The following PTPRN2 variants were observed in gnomAD, a reference collection of about 807,000 sequenced individuals.
PTPRN2 encodes receptor-type tyrosine-protein phosphatase N2.
In PTPRN2, 74 loss-of-function variants were observed where a neutral mutation model predicts 118.8. The observed-to-expected ratio is 0.62, with a 90% confidence interval of 0.52 to 0.76. The LOEUF (loss-of-function observed/expected upper bound fraction) is 0.76, where lower values mean the gene tolerates loss of function less well. PTPRN2 is among the 30% of genes least tolerant of loss of function. The pLI is 0.00. For missense variants in PTPRN2, 1,481 were observed against 1,394.4 expected, an observed-to-expected ratio of 1.06 and a Z score of -0.99; for synonymous variants, 641 against 608.0, an observed-to-expected ratio of 1.05 and a Z score of -0.80.
In PTPRN2 at chr7:157,794,540, A is replaced by G. The variant is rs1804745831; in HGVS notation, c.1788+104133T>C. On this transcript the variant is annotated intron_variant, in intron 12 of 22. Coordinates refer to ENST00000389418, the MANE Select transcript of PTPRN2 (RefSeq NM_002847.5). This position sits in a 1 kb window ranked among gnomAD's most constrained non-coding sequence, Gnocchi z 5.2. ...GAGTCAAAGGAGGCAATTATACAAT[A>G]GGACTATCACCCTCACTGTCACTCT... is the stretch of plus-strand genomic sequence containing the variant. 6.6e-6 allele frequency among the ~76,000 whole-genome samples: 1 copy of G among 152,254 alleles called. No homozygotes were observed. The highest frequency in any genetic ancestry group is 2.4e-5 in the African/African-American group (1 of 41,476).
chr7:158,031,919 C>CG (rs953329289), intron 11 of PTPRN2, among the ~76,000 whole-genome samples: 1 of 152,228 alleles, frequency 6.6e-6, no homozygotes, highest in African/African-American at 2.4e-5. Flanking sequence ...GCCGGCGCTC[C>CG]GGGGGCCCGC....
At chr7:158,566,469 G>A (rs973794602) in intron 1 of PTPRN2, among the ~76,000 whole-genome samples, 3 of 152,216 alleles carry the variant, frequency 2.0e-5, no homozygotes, top group Non-Finnish European at 4.4e-5. Context: ...CCCCATAGCG[G>A]GCACTTGGCA....
Position 158,546,822 on chromosome 7 carries a change from C to T in PTPRN2, c.112+40736G>A, listed in dbSNP as rs999133936. Among the ~76,000 whole-genome samples the T allele has an allele frequency of 3.3e-5, 5 of 152,238 alleles. No individual in the cohort carries two copies. Among genetic ancestry groups the T allele is most frequent in the African/African-American group, 1.2e-4 (5 of 41,474 alleles). ...ATGCACCAACATGCAGATGCACACA[C>T]AGGGCATGGGCACTCCAGAGGGGCT... On this transcript the variant is annotated intron_variant, in intron 1 of 22. Transcript: ENST00000389418. This position sits in a 1 kb window ranked among gnomAD's most constrained non-coding sequence, Gnocchi z 5.0.
intron 12 of PTPRN2, among the ~76,000 whole-genome samples, chr7:157,757,342 C>G (rs1801848154): frequency 6.6e-6 from 1 of 152,164 alleles, no homozygotes; most frequent in African/African-American, 2.4e-5. Context: ...GACACAGAAG[C>G]CAGGCCTGGA....
chr7:158,541,121 C>A (rs1234288708), intron 1 of PTPRN2, among the ~76,000 whole-genome samples: 2 of 152,202 alleles, frequency 1.3e-5, no homozygotes, highest in East Asian at 3.9e-4. Flanking sequence ...CTATTTGCCA[C>A]AAATCATCTA....
intron 1 of PTPRN2, among the ~76,000 whole-genome samples, chr7:158,521,376 C>T (rs1823985274): frequency 6.6e-6 from 1 of 152,204 alleles, no homozygotes; most frequent in Non-Finnish European, 1.5e-5. Flanking sequence ...GGCTTCCCAA[C>T]AGGGTGAATT....
intron 5 of PTPRN2, among the ~76,000 whole-genome samples, chr7:158,170,968 T>A (rs946126474): frequency 6.7e-6 from 1 of 150,012 alleles, no homozygotes; most frequent in Non-Finnish European, 1.5e-5. Context: ...TTATCCTTCA[T>A]ATATATACAT....
chr7:158,029,080 G>A (rs1484947718), intron 11 of PTPRN2: 1 of 152,234 alleles, frequency 6.6e-6, no homozygotes, highest in African/African-American at 2.4e-5. Context: ...CCCTGCTCTG[G>A]AGCAAAGAAG....
In PTPRN2 at chr7:158,379,487, A is replaced by G. The variant is rs187601221; in HGVS notation, c.164-62555T>C. On this transcript the variant is annotated intron_variant, in intron 2 of 22. Coordinates refer to ENST00000389418, the MANE Select transcript of PTPRN2 (RefSeq NM_002847.5). ...AGAAACTGCAGCCAAACTCACACTC[A>G]CAGCCCACAGGTGGGGGGCTCCCAA... Among the ~76,000 whole-genome samples, 771 of 152,336 alleles carry G rather than the reference A, an allele frequency of 5.1e-3. 12 individuals carry two copies. Among genetic ancestry groups the G allele is most frequent in the African/African-American group, 0.018 (744 of 41,570 alleles).
intron 11 of PTPRN2, 57 bp downstream of exon 11, chr7:158,081,240 GC>G: frequency 6.8e-7 from 1 of 1,461,484 alleles, no homozygotes; most frequent in East Asian, 2.3e-5. Context: ...GTGTTTGCGT[GC>G]GTGTGTGTGT....
chr7:158,208,253 C>G (rs1249398268), intron 3 of PTPRN2, among the ~76,000 whole-genome samples: 1 of 152,122 alleles, frequency 6.6e-6, no homozygotes, highest in Admixed American at 6.5e-5. Context: ...ATAATGAGAA[C>G]TTCTCGAACC....
chr7:158,071,329 CCATGGTGGTGGAGGTGCT>C (rs1811512414), intron 11 of PTPRN2, among the ~76,000 whole-genome samples: 1 of 54,410 alleles, frequency 1.8e-5, no homozygotes, highest in Non-Finnish European at 3.5e-5. Context: ...GTGGAGGTGC[CCATGGTGGTGGAGGTGCT>C]CGTGGTGGTG....
intron 11 of PTPRN2, among the ~76,000 whole-genome samples, chr7:157,976,109 C>T (rs975557846): frequency 1.3e-5 from 2 of 152,254 alleles, no homozygotes; most frequent in African/African-American, 4.8e-5. Context: ...AAAGCCACCC[C>T]AGCTCAGATG....
At chr7:157,650,063 A>G (rs1333003625) in intron 14 of PTPRN2, among the ~76,000 whole-genome samples, 3 of 152,174 alleles carry the variant, frequency 2.0e-5, no homozygotes, top group Non-Finnish European at 4.4e-5. Context: ...CCAGGCCCGC[A>G]GGAGTGAGGC....
rs1461352628 is a variant in PTPRN2, at chr7:157,874,234, C to A, written c.1788+24439G>T. ...CCCCTCCACAACTGGGCAGGCTGCTCCCTTCACCCCAACACTCCATGGCTC... is the reference window on the plus strand; with the variant it reads ...CCCCTCCACAACTGGGCAGGCTGCTACCTTCACCCCAACACTCCATGGCTC... On this transcript the variant is annotated intron_variant, in intron 12 of 22. Transcript: ENST00000389418. This position sits in a 1 kb window ranked among gnomAD's most constrained non-coding sequence, Gnocchi z 5.8. Among the ~76,000 whole-genome samples the A allele has an allele frequency of 1.3e-5, 2 of 152,160 alleles. No individual in the cohort carries two copies. The highest frequency in any genetic ancestry group is 2.9e-5 in the Non-Finnish European group (2 of 68,018).
At chr7:158,084,988 C>T (rs144645738) in intron 10 of PTPRN2, among the ~76,000 whole-genome samples, 4,345 of 127,198 alleles carry the variant, frequency 0.034, 94 homozygotes, top group East Asian at 0.14. Flanking sequence ...CCCATCCACA[C>T]GGATGCCCAT....
chr7:158,361,824 G>A (rs1193695142), intron 2 of PTPRN2, among the ~76,000 whole-genome samples: 1 of 152,124 alleles, frequency 6.6e-6, no homozygotes, highest in Non-Finnish European at 1.5e-5. Flanking sequence ...GCTGGGGCAG[G>A]CCCTCCTGAG....
In PTPRN2 at chr7:158,373,281, AAAG is replaced by A. The variant is rs1417522480; in HGVS notation, c.164-56352_164-56350del. Among the ~76,000 whole-genome samples the A allele has an allele frequency of 2.0e-5, 3 of 152,198 alleles. No homozygotes were observed. In the East Asian group the frequency reaches 5.8e-4, roughly 29 times the overall value. On this transcript the variant is annotated intron_variant, in intron 2 of 22. Transcript: ENST00000389418. ...CCTCGGGGCCCGGCCTATTCTGCAC[AAAG>A]ATGACTTCTGAAATGAGTTTTTTGC...
chr7:157,888,059 G>GA (rs1563210511), intron 12 of PTPRN2, among the ~76,000 whole-genome samples: 1 of 151,186 alleles, frequency 6.6e-6, no homozygotes, highest in Non-Finnish European at 1.5e-5. Flanking sequence ...CGCTGTCTTG[G>GA]GGGGTGTGAG....
Sources: gnomAD v4.1 joint callset for allele counts (sites outside exome capture counted in the v4.1 genomes callset) on GRCh38, gnomAD v4.1.1 for gene constraint, Gnocchi (gnomAD v3.1) non-coding constraint, MANE v1.5 for transcripts, NCBI Gene and HGNC (gene_info 2026-07-23, HGNC 2026-07-21) for gene names.